CEP63: variants seen among roughly 807,000 people sequenced by gnomAD.
CEP63 encodes centrosomal protein 63, also known as centrosomal protein of 63 kDa.
Under a neutral mutation model 89.1 loss-of-function variants are expected in CEP63, and 84 were observed. That is an observed-to-expected ratio of 0.94 (90% confidence interval 0.79 to 1.13). The LOEUF (loss-of-function observed/expected upper bound fraction) is 1.13. Ranked by LOEUF, CEP63 falls within the 50% of genes most tolerant of loss-of-function variation. The pLI, the probability that CEP63 is intolerant of heterozygous loss-of-function variation, is 0.00. For synonymous variants in CEP63, 267 were observed against 272.5 expected, an observed-to-expected ratio of 0.98 and a Z score of 0.20; for missense variants, 838 against 813.3, an observed-to-expected ratio of 1.03 and a Z score of -0.37.
chr3:134,507,326 C>A (rs1559894105), intron 3 of CEP63, 40 bp downstream of exon 3: 8 of 1,440,292 alleles, frequency 5.6e-6, no homozygotes, highest in Middle Eastern at 1.7e-4. Flanking sequence ...ACATTTTTAT[C>A]TTGTCTTTTA....
At chr3:134,641,796 G>A in the CEP63 span, among the ~76,000 whole-genome samples, 12 of 152,128 alleles carry the variant, frequency 7.9e-5, no homozygotes, top group Non-Finnish European at 1.5e-4. Flanking sequence ...TCTGGCTCAG[G>A]GTGTTTGACT....
the CEP63 span, among the ~76,000 whole-genome samples, chr3:134,765,708 G>A: frequency 2.0e-5 from 3 of 152,200 alleles, no homozygotes; most frequent in South Asian, 2.1e-4. Flanking sequence ...AGTAGGGGGC[G>A]TAAGGAGAGA....
Position 134,551,966 on chromosome 3 carries a change from G to A in CEP63, c.1421G>A (p.Arg474His), listed in dbSNP as rs751282317. ...DQLESLKLEN[R>H]HLSEMVMKLE... is the part of the protein sequence containing the mutation. Reference sequence around the variant, plus strand: ...CTGGAGTCACTCAAATTAGAAAATCGTCATCTTTCTGAAATGGTGATGAAA... The same window carrying A: ...CTGGAGTCACTCAAATTAGAAAATCATCATCTTTCTGAAATGGTGATGAAA... Residue 474 changes from arginine (R) to histidine (H), a missense_variant, in exon 12 of 15, where the codon CGT (arginine) becomes CAT (histidine). Physicochemically the swap from Arg to His is conservative, Grantham distance 29. Transcript: ENST00000675561. The A allele has an allele frequency of 2.7e-5, 44 of 1,608,180 alleles. No homozygotes were observed. In the East Asian group the frequency reaches 3.8e-4, roughly 14 times the overall value.
At chr3:134,572,208 G>C (rs1958036883) in intron 11 of CEP63, among the ~76,000 whole-genome samples, 2 of 152,148 alleles carry the variant, frequency 1.3e-5, no homozygotes, top group Non-Finnish European at 2.9e-5. Context: ...CAGTATTTGT[G>C]CTTAATGTCA....
At chr3:134,759,485 G>A in the CEP63 span, among the ~76,000 whole-genome samples, 36 of 152,340 alleles carry the variant, frequency 2.4e-4, no homozygotes, top group African/African-American at 7.7e-4. Context: ...ATTCATCCAA[G>A]TGAGCAGGAA....
upstream of CEP63, chr3:134,485,805 C>G (rs1447747799): frequency 9.9e-6 from 2 of 202,522 alleles, no homozygotes; most frequent in Non-Finnish European, 1.7e-5. Context: ...AAGTCCCTTT[C>G]CTCCCGACAC....
the CEP63 span, among the ~76,000 whole-genome samples, chr3:134,650,428 T>C: frequency 6.6e-6 from 1 of 152,186 alleles, no homozygotes; most frequent in Non-Finnish European, 1.5e-5. Flanking sequence ...CAGCGTCCCC[T>C]GTGCCCTGCA....
rs549971647 is a variant in CEP63, at chr3:134,562,066, G to C, written c.*531G>C. On this transcript the variant is annotated 3_prime_UTR_variant, in exon 15 of 15. Transcript: ENST00000675561. ...AAAGTCAGGCTGGTAGTGAATAAGG[G>C]GGGGGTGTGCTAAAGAACCTTATCA... 3 of 995,054 alleles carry C rather than the reference G, an allele frequency of 3.0e-6. No homozygotes were observed. Among genetic ancestry groups the C allele is most frequent in the East Asian group, 1.1e-4 (1 of 9,108 alleles). 61.6% of individuals were successfully genotyped at this position (995,054 alleles called of 1,614,324 possible). A position where few individuals can be genotyped will look rare whatever the true frequency, so the allele number is the denominator to read the frequency against.
the CEP63 span, among the ~76,000 whole-genome samples, chr3:134,626,024 G>A: frequency 2.0e-5 from 3 of 152,254 alleles, no homozygotes; most frequent in African/African-American, 4.8e-5. Context: ...ACCAACAGGT[G>A]CATGGACAGC....
the CEP63 span, among the ~76,000 whole-genome samples, chr3:134,686,198 C>T: frequency 6.6e-6 from 1 of 152,202 alleles, no homozygotes; most frequent in Non-Finnish European, 1.5e-5. Context: ...CTATGAAAAG[C>T]AAAAGTCCTA....
In CEP63 at chr3:134,527,241, C is replaced by T. The variant is rs375223577; in HGVS notation, c.223-4604C>T. 8.9e-4 allele frequency among the ~76,000 whole-genome samples: 135 copies of T among 152,274 alleles called. 1 individual carries two copies. Among genetic ancestry groups the T allele is most frequent in the African/African-American group, 3.2e-3 (133 of 41,556 alleles). On this transcript the variant is annotated intron_variant, in intron 3 of 14. Transcript: ENST00000675561. ...GGAGGTGAGCGGGGACCCCTGCTGG[C>T]GACTGTGCACAGTGGCACTGGTGGT...
chr3:134,637,403 T>A, the CEP63 span, among the ~76,000 whole-genome samples: 1 of 152,234 alleles, frequency 6.6e-6, no homozygotes, highest in African/African-American at 2.4e-5. Context: ...GACTTCAAGA[T>A]GCCTTGTGAA....
At chr3:134,778,023 G>A in the CEP63 span, among the ~76,000 whole-genome samples, 2 of 151,420 alleles carry the variant, frequency 1.3e-5, no homozygotes, top group South Asian at 4.2e-4. Context: ...TCTCTCATTT[G>A]TTCTGCAAGT....
At chr3:134,652,488 T>C in the CEP63 span, among the ~76,000 whole-genome samples, 1 of 124,248 alleles carries the variant, frequency 8.0e-6, no homozygotes, top group East Asian at 2.8e-4. Flanking sequence ...ACTGGGCATC[T>C]GATGGAAGGA....
chr3:134,764,378 A>G, the CEP63 span, among the ~76,000 whole-genome samples: 1 of 152,208 alleles, frequency 6.6e-6, no homozygotes, highest in Non-Finnish European at 1.5e-5. Flanking sequence ...CTCACAGTGT[A>G]GCACTAACTT....
At chr3:134,531,681 A>C (rs554445963) in intron 3 of CEP63, among the ~76,000 whole-genome samples, 164 bp from the exon 4 acceptor site, 1 of 152,354 alleles carries the variant, frequency 6.6e-6, no homozygotes, top group Admixed American at 6.5e-5. Flanking sequence ...AAGAATTCTT[A>C]AATAACTAGG....
At position 134,559,552 on chromosome 3, in the gene CEP63, A is replaced by T. The variant is rs985365853; in HGVS notation, c.1953+123A>T. 2.6e-5 allele frequency: 21 copies of T among 815,338 alleles called. No homozygotes were observed. The Admixed American group carries it at 2.9e-4, about 11-fold the overall frequency. 50.5% of individuals were successfully genotyped at this position (815,338 alleles called of 1,614,324 possible). A position where few individuals can be genotyped will look rare whatever the true frequency, so the allele number is the denominator to read the frequency against. Reference sequence around the variant, plus strand: ...GATTCTTTTATCATAAGTACTCTTCATTATTCTTAGGTATCCCTGTCATAC... The same window carrying T: ...GATTCTTTTATCATAAGTACTCTTCTTTATTCTTAGGTATCCCTGTCATAC... On this transcript the variant is annotated intron_variant, in intron 14 of 14. Transcript: ENST00000675561.
At chr3:134,627,273 C>G in the CEP63 span, among the ~76,000 whole-genome samples, 1 of 152,136 alleles carries the variant, frequency 6.6e-6, no homozygotes, top group Admixed American at 6.5e-5. Context: ...AAGTATGGAG[C>G]TGCACCCCGC....
At position 134,561,253 on chromosome 3, in the gene CEP63, A is replaced by G. The variant is rs548660936; in HGVS notation, c.1954-124A>G. 11 of 1,044,642 alleles carry G rather than the reference A, an allele frequency of 1.1e-5. No homozygotes were observed. In the South Asian group the frequency reaches 1.2e-4, roughly 11 times the overall value. 64.7% of individuals were successfully genotyped at this position (1,044,642 alleles called of 1,614,324 possible). A position where few individuals can be genotyped will look rare whatever the true frequency, so the allele number is the denominator to read the frequency against. On this transcript the variant is annotated intron_variant, in intron 14 of 14. Transcript: ENST00000675561. ...TCTTGTCATTAGGATGAAAACCAAA[A>G]AAGTATCTTCAGAGGAAAAAAATCA... is the stretch of plus-strand genomic sequence containing the variant.
Sources: allele counts gnomAD v4.1 joint callset (sites outside exome capture counted in the v4.1 genomes callset), GRCh38; gene constraint gnomAD v4.1.1; transcripts MANE v1.5; gene names NCBI Gene and HGNC (gene_info 2026-07-23, HGNC 2026-07-21).